The following MALRD1 variants were observed in gnomAD, a reference collection of about 807,000 sequenced individuals.
MALRD1 encodes MAM and LDL-receptor class A domain-containing protein 1.
Under a neutral mutation model 242.1 loss-of-function variants are expected in MALRD1, and 247 were observed. The ratio of observed to expected loss-of-function variants is 1.02; its 90% confidence interval spans 0.92 to 1.13. MALRD1 has a LOEUF of 1.13. Ranked by LOEUF, MALRD1 falls within the 50% of genes most tolerant of loss-of-function variation. The pLI, the probability that MALRD1 is intolerant of heterozygous loss-of-function variation, is 0.00. For missense variants in MALRD1, 2,989 were observed against 2,533.1 expected (o/e 1.18, Z -3.86); for synonymous variants, 995 against 866.6 (o/e 1.15, Z -2.60).
At chr10:19,200,601 A>G (rs898717955) in intron 14 of MALRD1, among the ~76,000 whole-genome samples, 1 of 150,406 alleles carries the variant, frequency 6.6e-6, no homozygotes, top group Non-Finnish European at 1.5e-5. Flanking sequence ...TGAAATAAGA[A>G]AGAATCTGAT....
chr10:19,716,123 C>T (rs906275183), intron 38 of MALRD1, among the ~76,000 whole-genome samples: 1 of 152,206 alleles, frequency 6.6e-6, no homozygotes, highest in South Asian at 2.1e-4. Flanking sequence ...CTTATGTCTA[C>T]TTCTTCATTA....
intron 32 of MALRD1, among the ~76,000 whole-genome samples, chr10:19,535,725 T>C (rs1001042007): frequency 1.3e-5 from 2 of 152,122 alleles, no homozygotes; most frequent in African/African-American, 4.8e-5. Flanking sequence ...ATGAAACTTG[T>C]ATTAGCTTTC....
chr10:19,532,529 C>T (rs1392341541), intron 32 of MALRD1, among the ~76,000 whole-genome samples: 2 of 152,148 alleles, frequency 1.3e-5, no homozygotes, highest in African/African-American at 2.4e-5. Context: ...GCTGGGATTA[C>T]AGGCCTGAGC....
intron 11 of MALRD1, among the ~76,000 whole-genome samples, chr10:19,148,934 G>A (rs551087490): frequency 1.7e-4 from 26 of 151,572 alleles, no homozygotes; most frequent in Non-Finnish European, 2.8e-4. Context: ...GGACCAGGAA[G>A]GGAAAGGAAA....
chr10:19,663,931 C>A (rs537510919), intron 36 of MALRD1, among the ~76,000 whole-genome samples: 2 of 152,076 alleles, frequency 1.3e-5, no homozygotes, highest in South Asian at 4.2e-4. Context: ...TTGGCCACAC[C>A]CATACACATT....
At chr10:19,707,673 G>A (rs1833928310) in intron 38 of MALRD1, among the ~76,000 whole-genome samples, 1 of 149,510 alleles carries the variant, frequency 6.7e-6, no homozygotes, top group South Asian at 2.2e-4. Context: ...TTATGACTGG[G>A]TGCTGTGGCT....
chr10:19,407,290 G>A (rs1833070503), intron 28 of MALRD1, among the ~76,000 whole-genome samples: 1 of 152,018 alleles, frequency 6.6e-6, no homozygotes, highest in South Asian at 2.1e-4. Context: ...GGAAACATAG[G>A]CAGACCCTAT....
intron 28 of MALRD1, among the ~76,000 whole-genome samples, chr10:19,410,793 T>G (rs1833248267): frequency 6.6e-6 from 1 of 152,020 alleles, no homozygotes; most frequent in South Asian, 2.1e-4. Context: ...TTCTAGAAAT[T>G]CCATTTAGCT....
chr10:19,389,582 C>G lies in MALRD1; in HGVS notation c.4818C>G (p.Ala1606=). The change falls in exon 28 of 40, where the codon GCC becomes GCG. Residue 1606 remains alanine (A), a synonymous_variant. Coordinates refer to ENST00000454679, the MANE Select transcript of MALRD1 (RefSeq NM_001142308.3). Reference sequence around the variant, plus strand: ...TCTGGTATTTCGTATCTGCAAAGGCCACAGGATCCATTCAGATTCTCATCA... The same window carrying G: ...TCTGGTATTTCGTATCTGCAAAGGCGACAGGATCCATTCAGATTCTCATCA... ...MSFWYFVSAK[A]TGSIQILIKT... The G allele has an allele frequency of 1.9e-6, 3 of 1,550,416 alleles. No individual in the cohort carries two copies. The highest frequency in any genetic ancestry group is 2.6e-6 in the Non-Finnish European group (3 of 1,146,886).
At chr10:19,077,240 G>A (rs1381133958) in intron 2 of MALRD1, among the ~76,000 whole-genome samples, 2 of 151,940 alleles carry the variant, frequency 1.3e-5, no homozygotes, top group East Asian at 3.9e-4. Flanking sequence ...TCTAAGGACT[G>A]AGTCAATGTT....
intron 4 of MALRD1, among the ~76,000 whole-genome samples, chr10:19,088,475 T>A (rs930460912): frequency 6.6e-6 from 1 of 151,028 alleles, no homozygotes; most frequent in Non-Finnish European, 1.5e-5. Flanking sequence ...TTCTCCTAAT[T>A]TCTTGAACCC....
At chr10:19,223,944 A>G (rs1332660381) in intron 18 of MALRD1, among the ~76,000 whole-genome samples, 1 of 152,178 alleles carries the variant, frequency 6.6e-6, no homozygotes, top group Non-Finnish European at 1.5e-5. Flanking sequence ...TATCCAGTCT[A>G]TCATTGATGG....
chr10:19,184,813 G>A (rs188765890), intron 14 of MALRD1, among the ~76,000 whole-genome samples: 1 of 152,292 alleles, frequency 6.6e-6, no homozygotes, highest in East Asian at 1.9e-4. Context: ...CTCCCGAAGT[G>A]CTGAGATTAC....
chr10:19,465,457 A>T (rs1448545531), intron 29 of MALRD1, among the ~76,000 whole-genome samples: 1 of 152,180 alleles, frequency 6.6e-6, no homozygotes, highest in African/African-American at 2.4e-5. Flanking sequence ...ATTTTCACCT[A>T]ACCCCATGTT....
rs909952394 is a variant in MALRD1, at chr10:19,491,988, G to GT, written c.5158+354dup. Among the ~76,000 whole-genome samples the GT allele has an allele frequency of 7.8e-4, 111 of 141,740 alleles. 1 individual carries two copies. The highest frequency in any genetic ancestry group is 3.6e-3 in the Middle Eastern group (1 of 274). 93.0% of individuals were successfully genotyped at this position (141,740 alleles called of 152,430 possible). A position where few individuals can be genotyped will look rare whatever the true frequency, so the allele number is the denominator to read the frequency against. ...AGCAATCTGCCTTTCTTTATTGGTT[G>GT]TTTTTTTTTTTCTATTTTTTTTTCC... On this transcript the variant is annotated intron_variant, in intron 30 of 39. Coordinates refer to ENST00000454679, the MANE Select transcript of MALRD1 (RefSeq NM_001142308.3).
At chr10:19,068,870 C>T (rs1389705878) in intron 2 of MALRD1, among the ~76,000 whole-genome samples, 1 of 151,938 alleles carries the variant, frequency 6.6e-6, no homozygotes, top group Non-Finnish European at 1.5e-5. Context: ...GTTTGAGAAT[C>T]CATTAGAACA....
chr10:19,261,449 A>G (rs548410955), intron 19 of MALRD1, among the ~76,000 whole-genome samples: 1 of 151,336 alleles, frequency 6.6e-6, no homozygotes, highest in South Asian at 2.1e-4. Flanking sequence ...CTCTACGTAA[A>G]AAAAAAAAAA....
chr10:19,337,397 T>C (rs1013043476), intron 24 of MALRD1, among the ~76,000 whole-genome samples: 4 of 152,168 alleles, frequency 2.6e-5, no homozygotes, highest in Non-Finnish European at 4.4e-5. Context: ...GAAGGAGGTC[T>C]GGGACCCGCT....
At chr10:19,460,294 A>C (rs1329938057) in intron 29 of MALRD1, among the ~76,000 whole-genome samples, 2 of 152,180 alleles carry the variant, frequency 1.3e-5, no homozygotes, top group Non-Finnish European at 2.9e-5. Flanking sequence ...GGAACACATG[A>C]AAATTACATC....
Sources: allele counts gnomAD v4.1 joint callset (sites outside exome capture counted in the v4.1 genomes callset), GRCh38; gene constraint gnomAD v4.1.1; transcripts MANE v1.5; gene names NCBI Gene and HGNC (gene_info 2026-07-23, HGNC 2026-07-21).